The following GRID2 variants were observed in gnomAD, a reference collection of about 807,000 sequenced individuals.
The protein encoded by GRID2 is glutamate ionotropic receptor delta type subunit 2.
A neutral mutation model predicts 114.8 loss-of-function variants in GRID2; 33 were observed. The ratio of observed to expected loss-of-function variants is 0.29; its 90% CI spans 0.22 to 0.38. The LOEUF (loss-of-function observed/expected upper bound fraction) is 0.38, where lower values mean the gene tolerates loss of function less well. Among genes scored for constraint, GRID2 ranks in the 10% least tolerant of loss-of-function variants. The pLI, the probability that GRID2 is intolerant of heterozygous loss-of-function variation, is 1.00. For synonymous variants in GRID2, 505 were observed against 449.9 expected (o/e 1.12, Z -1.55); for missense variants, 1,184 against 1,257.7 (o/e 0.94, Z 0.89).
chr4:92,863,807 G>A (rs1042680267), intron 2 of GRID2, among the ~76,000 whole-genome samples: 1 of 152,068 alleles, frequency 6.6e-6, no homozygotes, highest in African/African-American at 2.4e-5. Flanking sequence ...AAGTCAGTCA[G>A]TGTAGTTATG....
chr4:93,252,329 A>ATTTTTTTT (rs56056248), intron 8 of GRID2, among the ~76,000 whole-genome samples: 20 of 119,718 alleles, frequency 1.7e-4, no homozygotes, highest in Non-Finnish European at 2.5e-4. Flanking sequence ...GGAATCCTTC[A>ATTTTTTTT]TTTTTTTTTT....
At chr4:92,519,214 A>G (rs934321541) in intron 1 of GRID2, among the ~76,000 whole-genome samples, 1 of 151,906 alleles carries the variant, frequency 6.6e-6, no homozygotes, top group Non-Finnish European at 1.5e-5. Flanking sequence ...TTAAAAAATT[A>G]TCAAGCCCAA....
At chr4:92,999,284 T>TATTA (rs569859352) in intron 2 of GRID2, among the ~76,000 whole-genome samples, 80 of 152,002 alleles carry the variant, frequency 5.3e-4, no homozygotes, top group African/African-American at 1.9e-3. Context: ...TGTCTTCATT[T>TATTA]ATTAATTAAT....
intron 1 of GRID2, among the ~76,000 whole-genome samples, chr4:92,334,390 G>T (rs1334138631): frequency 6.6e-6 from 1 of 152,052 alleles, no homozygotes; most frequent in African/African-American, 2.4e-5. Context: ...CCATTATCTA[G>T]TTCCAAAGTC....
chr4:92,953,680 A>G (rs751086419), intron 2 of GRID2, among the ~76,000 whole-genome samples: 26 of 152,264 alleles, frequency 1.7e-4, no homozygotes, highest in Non-Finnish European at 3.1e-4. Flanking sequence ...ACAGGAATCA[A>G]TATGATGATT....
intron 2 of GRID2, among the ~76,000 whole-genome samples, chr4:92,683,698 A>G (rs969373706): frequency 6.6e-5 from 10 of 151,948 alleles, no homozygotes; most frequent in Non-Finnish European, 1.2e-4. Context: ...AAGCAAAACA[A>G]AAAAGATTAA....
At chr4:93,619,537 T>C (rs1742020889) in intron 13 of GRID2, among the ~76,000 whole-genome samples, 1 of 152,212 alleles carries the variant, frequency 6.6e-6, no homozygotes, top group Admixed American at 6.5e-5. Context: ...TTTATTTCCC[T>C]CACATTATTC....
intron 2 of GRID2, among the ~76,000 whole-genome samples, chr4:93,081,302 G>T (rs545374790): frequency 6.6e-6 from 1 of 152,212 alleles, no homozygotes; most frequent in African/African-American, 2.4e-5. Context: ...TCAGTAAGAG[G>T]TAATAAATTT....
At chr4:93,225,184 G>A (rs1183905702) in intron 7 of GRID2, among the ~76,000 whole-genome samples, 1 of 152,172 alleles carries the variant, frequency 6.6e-6, no homozygotes, top group Non-Finnish European at 1.5e-5. Flanking sequence ...GGATGTGATG[G>A]CCTTTAATTT....
chr4:93,778,105 A>G (rs1734402158), downstream of GRID2, among the ~76,000 whole-genome samples: 1 of 152,220 alleles, frequency 6.6e-6, no homozygotes, highest in South Asian at 2.1e-4. Flanking sequence ...TCTGATATGT[A>G]ATAAAATAAG....
At chr4:92,952,104 T>C (rs1441894057) in intron 2 of GRID2, among the ~76,000 whole-genome samples, 1 of 152,200 alleles carries the variant, frequency 6.6e-6, no homozygotes, top group Non-Finnish European at 1.5e-5. Context: ...GTAAATGCAT[T>C]CATATTTTGC....
intron 4 of GRID2, among the ~76,000 whole-genome samples, chr4:93,143,127 T>C (rs1735914482): frequency 6.6e-6 from 1 of 152,182 alleles, no homozygotes; most frequent in Non-Finnish European, 1.5e-5. Flanking sequence ...CTGTAGAAGT[T>C]TATCTAAGAA....
intron 1 of GRID2, among the ~76,000 whole-genome samples, chr4:92,430,471 C>G (rs1264038785): frequency 6.6e-6 from 1 of 152,076 alleles, no homozygotes; most frequent in Non-Finnish European, 1.5e-5. Flanking sequence ...GTCCATGTGT[C>G]TGTTTTTATG....
chr4:93,711,512 T>A (rs990649612), intron 14 of GRID2, among the ~76,000 whole-genome samples: 2 of 152,216 alleles, frequency 1.3e-5, no homozygotes, highest in African/African-American at 4.8e-5. Flanking sequence ...TTCAAGCTTA[T>A]TTAGAACCCC....
chr4:92,943,023 T>C (rs1751293936), intron 2 of GRID2, among the ~76,000 whole-genome samples: 1 of 152,170 alleles, frequency 6.6e-6, no homozygotes, highest in Non-Finnish European at 1.5e-5. Context: ...CATTTCAGCT[T>C]TGGTGAATCT....
Position 92,661,337 on chromosome 4 carries a change from G to T in GRID2, c.244+71051G>T, listed in dbSNP as rs565972387. ...TCAAAAAATCTAACATCTAATGTAAGATTTCATTTTCCTAAATTTAAAAAT... is the reference window on the plus strand; with the variant it reads ...TCAAAAAATCTAACATCTAATGTAATATTTCATTTTCCTAAATTTAAAAAT... On this transcript the variant is annotated intron_variant, in intron 2 of 15. Transcript: ENST00000282020. Among the ~76,000 whole-genome samples, 24 of 150,870 alleles carry T rather than the reference G, an allele frequency of 1.6e-4. No individual in the cohort carries two copies. In the South Asian group the frequency reaches 5.0e-3, roughly 31 times the overall value.
chr4:92,598,825 A>C (rs1300193272), intron 2 of GRID2, among the ~76,000 whole-genome samples: 1 of 152,066 alleles, frequency 6.6e-6, no homozygotes, highest in Non-Finnish European at 1.5e-5. Flanking sequence ...GTACCATTGC[A>C]TGTGTCCCTC....
chr4:93,612,402 A>C (rs1266964040), intron 13 of GRID2, among the ~76,000 whole-genome samples: 1 of 144,742 alleles, frequency 6.9e-6, no homozygotes, highest in Non-Finnish European at 1.5e-5. Context: ...GTTTCTTCCT[A>C]GTCTCGATGG....
intron 8 of GRID2, among the ~76,000 whole-genome samples, chr4:93,271,649 C>T (rs995888687): frequency 5.9e-5 from 9 of 152,062 alleles, no homozygotes; most frequent in African/African-American, 1.7e-4. Context: ...GATCATAAGT[C>T]ACTCTATTGC....
Sources: gnomAD v4.1 joint callset for allele counts (sites outside exome capture counted in the v4.1 genomes callset) on GRCh38, gnomAD v4.1.1 for gene constraint, MANE v1.5 for transcripts, NCBI Gene and HGNC (gene_info 2026-07-23, HGNC 2026-07-21) for gene names.